The following HNRNPD variants were observed in gnomAD, a reference collection of about 807,000 sequenced individuals.
HNRNPD encodes heterogeneous nuclear ribonucleoprotein D0.
A neutral mutation model predicts 47.9 loss-of-function variants in HNRNPD; 3 were observed. The ratio of observed to expected loss-of-function variants is 0.06; its 90% CI spans 0.03 to 0.16. The LOEUF is 0.16. Among genes scored for constraint, HNRNPD ranks in the 10% least tolerant of loss-of-function variants. HNRNPD has a pLI of 1.00. For synonymous variants in HNRNPD, 171 were observed against 165.1 expected (o/e 1.04, Z -0.28); for missense variants, 287 against 454.2 (o/e 0.63, Z 3.35).
At chr4:82,359,043 T>C (rs937167242) in intron 3 of HNRNPD, among the ~76,000 whole-genome samples, 1 of 152,148 alleles carries the variant, frequency 6.6e-6, no homozygotes, top group Non-Finnish European at 1.5e-5. Context: ...AACCAATTAC[T>C]AGATAACCAT....
intron 1 of HNRNPD, 142 bp downstream of exon 1, chr4:82,373,304 A>G: frequency 8.8e-7 from 1 of 1,134,392 alleles, no homozygotes; most frequent in Non-Finnish European, 1.2e-6. Context: ...AACCCAACAT[A>G]GAAAAAGGGA....
rs915985166 is a variant in HNRNPD at position 82,373,435 on chromosome 4, C to T, written c.233+11G>A. 1 of 1,571,852 alleles carries T rather than the reference C, an allele frequency of 6.4e-7. No homozygotes were observed. Among genetic ancestry groups the T allele is most frequent in the Admixed American group, 1.8e-5 (1 of 54,462 alleles). ...GTTGGGCCTGACTATCCTGGGATGC[C>T]CCTTACTCACCCTTCATCCTCCTCG... On this transcript the variant is annotated intron_variant, in intron 1 of 8. Transcript: ENST00000313899.
intron 2 of HNRNPD, among the ~76,000 whole-genome samples, chr4:82,364,697 A>G (rs1197576140): frequency 6.6e-6 from 1 of 152,240 alleles, no homozygotes; most frequent in African/African-American, 2.4e-5. Context: ...TATTTCAACT[A>G]AGACCCTTTA....
intron 7 of HNRNPD, chr4:82,355,650 C>G: frequency 2.0e-6 from 1 of 496,128 alleles, no homozygotes; most frequent in Non-Finnish European, 3.5e-6. Context: ...CTCACCCTTA[C>G]AGTTTAAAAG....
intron 2 of HNRNPD, among the ~76,000 whole-genome samples, chr4:82,364,176 C>T (rs1291199582): frequency 6.6e-6 from 1 of 151,974 alleles, no homozygotes; most frequent in Non-Finnish European, 1.5e-5. Flanking sequence ...TACTATGTCG[C>T]CCAGGCTAGT....
At chr4:82,368,503 GATT>G (rs1278297014) in intron 2 of HNRNPD, among the ~76,000 whole-genome samples, 1 of 152,056 alleles carries the variant, frequency 6.6e-6, no homozygotes, top group Non-Finnish European at 1.5e-5. Context: ...TAAAAAACGA[GATT>G]ATTTTTAGTA....
intron 2 of HNRNPD, among the ~76,000 whole-genome samples, chr4:82,369,191 T>C (rs978448617): frequency 6.6e-6 from 1 of 152,214 alleles, no homozygotes; most frequent in African/African-American, 2.4e-5. Context: ...AATTTTAAAG[T>C]ACCTACCCCA....
At chr4:82,370,406 T>C (rs372437520) in intron 2 of HNRNPD, among the ~76,000 whole-genome samples, 33 of 152,362 alleles carry the variant, frequency 2.2e-4, no homozygotes, top group African/African-American at 7.9e-4. Flanking sequence ...AATGGAGTAA[T>C]GTCAAATAGT....
At position 82,373,547 on chromosome 4, in the gene HNRNPD, T is replaced by C. The variant is rs575870890; in HGVS notation, c.132A>G (p.Gly44=). The change falls in exon 1 of 9, where the codon GGA becomes GGG. Residue 44 remains glycine (G), a synonymous_variant. Transcript: ENST00000313899. ...TQGAAAAAGS[G]AGTGGGTASG... ...ACGCGGTTCCGCCCCCGGTCCCGGC[T>C]CCGCTTCCCGCCGCCGCCGCTGCCC... 73 of 1,539,712 alleles carry C rather than the reference T, an allele frequency of 4.7e-5. 1 individual carries two copies. The South Asian group carries it at 8.7e-4, about 18-fold the overall frequency.
rs1340225763 is a variant in HNRNPD at position 82,373,903 on chromosome 4, G to A, written c.-225C>T. ...GCGCACACTCCCGCTCTCTCCCGCT[G>A]CACTAAAAAAGAATAAGCACCAGCG... On this transcript the variant is annotated 5_prime_UTR_variant, in exon 1 of 9. Coordinates refer to ENST00000313899, the MANE Select transcript of HNRNPD (RefSeq NM_031370.3). 5 of 1,075,108 alleles carry A rather than the reference G, an allele frequency of 4.7e-6. No individual in the cohort carries two copies. Among genetic ancestry groups the A allele is most frequent in the South Asian group, 1.8e-5 (1 of 55,808 alleles). 66.6% of individuals were successfully genotyped at this position (1,075,108 alleles called of 1,614,324 possible).
At chr4:82,373,333 G>C in intron 1 of HNRNPD, 113 bp downstream of exon 1, 3 of 1,393,186 alleles carry the variant, frequency 2.2e-6, no homozygotes, top group Non-Finnish European at 2.9e-6. Context: ...CAAGGAGGCT[G>C]CATGGGGGCC....
At chr4:82,356,298 C>A in intron 7 of HNRNPD, 1 of 404,316 alleles carries the variant, frequency 2.5e-6, no homozygotes, top group South Asian at 6.3e-5. Flanking sequence ...TTTTTAAATC[C>A]AAGTAAAACA....
At position 82,358,709 on chromosome 4, in the gene HNRNPD, G is replaced by C. The variant is rs1328268068; in HGVS notation, c.571C>G (p.Pro191Ala). The C allele has an allele frequency of 6.2e-7, 1 of 1,612,374 alleles. No homozygotes were observed. Reference protein sequence around the residue: ...VKKIFVGGLSPDTPEEKIREY... With the variant: ...VKKIFVGGLSADTPEEKIREY... ...CTTATTTTCTCTTCAGGTGTATCTG[G>C]AGAAAGGCCACCAACAAAAATTTTT... is the stretch of plus-strand genomic sequence containing the variant. The change falls in exon 4 of 9, where the codon CCA becomes GCA. Residue 191 changes from proline to alanine, a missense_variant. Physicochemically the swap from Pro to Ala is conservative, Grantham distance 27. Transcript: ENST00000313899.
intron 5 of HNRNPD, 101 bp from the exon 6 acceptor site, chr4:82,356,996 G>A (rs1723739360): frequency 2.9e-6 from 3 of 1,031,970 alleles, no homozygotes; most frequent in Non-Finnish European, 3.0e-6. Flanking sequence ...AATAGAGTAG[G>A]CTAATTTGAA....
chr4:82,372,513 A>C (rs978576986), intron 1 of HNRNPD, among the ~76,000 whole-genome samples: 1 of 152,104 alleles, frequency 6.6e-6, no homozygotes, highest in Non-Finnish European at 1.5e-5. Context: ...GATCCTGGGC[A>C]CCGGGAAAAA....
intron 2 of HNRNPD, among the ~76,000 whole-genome samples, chr4:82,370,124 A>G (rs1719965202): frequency 6.6e-6 from 1 of 152,354 alleles, no homozygotes; most frequent in East Asian, 1.9e-4. Flanking sequence ...CCTGGGCAAC[A>G]AAAGCTAAAC....
chr4:82,361,081 T>G (rs139183364), intron 2 of HNRNPD, among the ~76,000 whole-genome samples: 43 of 152,336 alleles, frequency 2.8e-4, no homozygotes, highest in African/African-American at 1.0e-3. Context: ...TGGCATTTTA[T>G]AATCAAATGA....
rs1720254069 is a variant in HNRNPD, at chr4:82,373,623, ACCGCCGCCGTTGCCGCTG to A, written c.38_55del (p.Ala13_Ala18del). The A allele has an allele frequency of 2.6e-6, 4 of 1,522,812 alleles. No individual in the cohort carries two copies. Among genetic ancestry groups the A allele is most frequent in the Non-Finnish European group, 3.5e-6 (4 of 1,141,852 alleles). The allele number at this position is 1,522,812 out of a possible 1,614,324, so 94.3% of individuals were successfully genotyped here. A position where few individuals can be genotyped will look rare whatever the true frequency, so the allele number is the denominator to read the frequency against. ...CTCCTGCTCGCCCGCCGAGCCGCCT[ACCGCCGCCGTTGCCGCTG>A]CCGCCGCCCCGTCCCCGCCGAACTG... On this transcript the variant is annotated inframe_deletion, in exon 1 of 9. Transcript: ENST00000313899.
chr4:82,371,410 G>T, intron 2 of HNRNPD, 118 bp downstream of exon 2: 2 of 742,900 alleles, frequency 2.7e-6, no homozygotes, highest in Non-Finnish European at 4.4e-6. Context: ...CAAACCTACT[G>T]TATGTACTAT....
Sources: gnomAD v4.1 joint callset for allele counts (sites outside exome capture counted in the v4.1 genomes callset) on GRCh38, gnomAD v4.1.1 for gene constraint, MANE v1.5 for transcripts, NCBI Gene and HGNC (gene_info 2026-07-23, HGNC 2026-07-21) for gene names.